Variants in PYCR1 observed in about 807,000 individuals in gnomAD.
PYCR1 encodes pyrroline-5-carboxylate reductase 1, mitochondrial.
Under a neutral mutation model 22.9 loss-of-function variants are expected in PYCR1, and 19 were observed. The observed-to-expected ratio is 0.83, with a 90% confidence interval of 0.58 to 1.22. The LOEUF is 1.22. PYCR1 is among the 50% of genes most tolerant of loss of function. PYCR1 has a pLI of 0.00. For synonymous variants in PYCR1, 175 were observed against 180.5 expected, an observed-to-expected ratio of 0.97 and a Z score of 0.24; for missense variants, 429 against 431.3, an observed-to-expected ratio of 0.99 and a Z score of 0.05.
At chr17:81,936,062 T>C (rs2041179311) in intron 2 of PYCR1, 61 bp downstream of exon 2, 2 of 1,580,504 alleles carry the variant, frequency 1.3e-6, no homozygotes, top group African/African-American at 1.4e-5. Context: ...CACACACTCC[T>C]GCCTCTCACA....
In PYCR1 at chr17:81,932,919, T is replaced by G; in HGVS notation, c.*295A>C. 6.2e-7 allele frequency: 1 copy of G among 1,611,834 alleles called. No homozygotes were observed. The highest frequency in any genetic ancestry group is 8.5e-7 in the Non-Finnish European group (1 of 1,179,498). The stretch of plus-strand genomic sequence containing the variant: ...GTGCCAGCTGATACTGGAGTAGGAG[T>G]GGGTGAAGACCCTCCGGGCTCCCGA... On this transcript the variant is annotated 3_prime_UTR_variant, in exon 7 of 7. Coordinates refer to ENST00000329875, the MANE Select transcript of PYCR1 (RefSeq NM_006907.4).
In PYCR1 at chr17:81,937,272, T is replaced by G. The variant is rs975940577; in HGVS notation, c.-458A>C. 11 of 1,208,332 alleles carry G rather than the reference T, an allele frequency of 9.1e-6. No homozygotes were observed. The highest frequency in any genetic ancestry group is 6.3e-5 in the African/African-American group (4 of 63,424). 74.9% of individuals were successfully genotyped at this position (1,208,332 alleles called of 1,614,324 possible). ...GCGGGTCGTACCCACCCCTCAGCGC[T>G]GCGGCCGCCACGCGGCACCCGCACC... On this transcript the variant is annotated 5_prime_UTR_variant, in exon 1 of 7. Coordinates refer to ENST00000329875, the MANE Select transcript of PYCR1 (RefSeq NM_006907.4).
In PYCR1 at chr17:81,934,381, C is replaced by A; in HGVS notation, c.742G>T (p.Gly248Trp). The A allele has an allele frequency of 8.1e-6, 13 of 1,612,742 alleles. No homozygotes were observed. Among genetic ancestry groups the A allele is most frequent in the Non-Finnish European group, 1.1e-5 (13 of 1,179,900 alleles). Residue 248 changes from glycine to tryptophan, a missense_variant, in exon 6 of 7, where the codon GGG becomes TGG. Gly to Trp is a radical substitution (Grantham distance 184). Coordinates refer to ENST00000329875, the MANE Select transcript of PYCR1 (RefSeq NM_006907.4). The stretch of plus-strand genomic sequence containing the variant: ...TTGATGAGCAGGGAGCGGAAGCCCC[C>A]ACTCTCCAGCACATGCAAGGCATGG... The part of the protein sequence containing the change: ...TIHALHVLES[G>W]GFRSLLINAV...
Position 81,937,008 on chromosome 17 carries a change from C to T in PYCR1, c.-194G>A. 6.8e-7 allele frequency: 1 copy of T among 1,463,848 alleles called. No individual in the cohort carries two copies. The highest frequency in any genetic ancestry group is 9.0e-7 in the Non-Finnish European group (1 of 1,108,308). The allele number at this position is 1,463,848 out of a possible 1,614,324, so 90.7% of individuals were successfully genotyped here. The stretch of plus-strand genomic sequence containing the variant: ...GTCCGGCCCGTTAACTGCTTCGGGG[C>T]CCCCAGTCAGAGCGGCGGTGCCTGG... On this transcript the variant is annotated 5_prime_UTR_variant, in exon 1 of 7. Coordinates refer to ENST00000329875, the MANE Select transcript of PYCR1 (RefSeq NM_006907.4).
At position 81,934,926 on chromosome 17, in the gene PYCR1, G is replaced by T; in HGVS notation, c.540C>A (p.Tyr180Ter). ...CGCCAGCTTCCCCCGCAGTCCTTAC[G>T]TAGGCGGGGCCGCTGCCACTGAGCC... ...VTGLSGSGPAYAFTALDALAD... is the reference protein window; with the variant it reads ...VTGLSGSGPA Residue 180 changes from tyrosine (Y) to a stop codon, truncating the protein, a stop_gained and splice_region_variant, in exon 4 of 7, where the codon TAC becomes TAA. Transcript: ENST00000329875. LOFTEE classifies it high-confidence loss of function. 1 of 1,609,634 alleles carries T rather than the reference G, an allele frequency of 6.2e-7. No individual in the cohort carries two copies. The highest frequency in any genetic ancestry group is 8.5e-7 in the Non-Finnish European group (1 of 1,179,920).
chr17:81,936,289 A>T (rs1429715616), intron 1 of PYCR1, 96 bp from the exon 2 acceptor site: 4 of 1,222,290 alleles, frequency 3.3e-6, no homozygotes, highest in African/African-American at 1.5e-5. Flanking sequence ...GCAGTGGCGC[A>T]ATCTCGGCTC....
chr17:81,936,147 G>C lies in PYCR1; in HGVS notation c.114C>G (p.Asp38Glu). Reference sequence around the variant, plus strand: ...CCCTGAGAGCAGAAACTGTGGCCAGGTCCATGTCTGGGGAGCTAGCCATTA... The same window carrying C: ...CCCTGAGAGCAGAAACTGTGGCCAGCTCCATGTCTGGGGAGCTAGCCATTA... ...HKIMASSPDM[D>E]LATVSALRKM... is the part of the protein sequence containing the mutation. Residue 38 changes from aspartate (D) to glutamate (E), a missense_variant, in exon 2 of 7, where the codon GAC becomes GAG. Physicochemically the swap from Asp to Glu is conservative, Grantham distance 45. Coordinates refer to ENST00000329875, the MANE Select transcript of PYCR1 (RefSeq NM_006907.4). 6.2e-7 allele frequency: 1 copy of C among 1,613,902 alleles called. No homozygotes were observed. The highest frequency in any genetic ancestry group is 8.5e-7 in the Non-Finnish European group (1 of 1,179,912).
chr17:81,935,287 C>G (rs370250578), intron 3 of PYCR1, 50 bp downstream of exon 3: 31 of 1,604,968 alleles, frequency 1.9e-5, no homozygotes, highest in Non-Finnish European at 2.6e-5. Flanking sequence ...TACTGAGGGC[C>G]CGGGCTCTAG....
chr17:81,937,028 G>A lies in PYCR1; in HGVS notation c.-214C>T, dbSNP rs547728412. The A allele has an allele frequency of 4.8e-6, 7 of 1,455,026 alleles. No individual in the cohort carries two copies. The highest frequency in any genetic ancestry group is 1.4e-5 in the African/African-American group (1 of 70,870). The allele number at this position is 1,455,026 out of a possible 1,614,324, so 90.1% of individuals were successfully genotyped here. A position where few individuals can be genotyped will look rare whatever the true frequency, so the allele number is the denominator to read the frequency against. ...CGGGGCCCCCAGTCAGAGCGGCGGT[G>A]CCTGGCCTGCTGCCTAGGGTCCCGC... On this transcript the variant is annotated 5_prime_UTR_variant, in exon 1 of 7. Transcript: ENST00000329875.
intron 1 of PYCR1, 54 bp from the exon 2 acceptor site, chr17:81,936,247 A>G: frequency 6.6e-7 from 1 of 1,515,376 alleles, no homozygotes; most frequent in East Asian, 2.3e-5. Context: ...TTTTTTTGAG[A>G]CGGAGTCTCG....
At chr17:81,934,527 A>G (rs749038192) in intron 5 of PYCR1, 38 bp from the exon 6 acceptor site, 12 of 1,558,460 alleles carry the variant, frequency 7.7e-6, no homozygotes, top group Non-Finnish European at 1.0e-5. Context: ...GTGGGCACGC[A>G]CCTGCCTCTG....
Position 81,933,157 on chromosome 17 carries a change from C to T in PYCR1, c.*57G>A, listed in dbSNP as rs1221017772. ...TGGGCCACTTTGGGGACCCCCTAGTCCCCCTAGTGACAAGAGAAGAGAAGG... is the reference window on the plus strand; with the variant it reads ...TGGGCCACTTTGGGGACCCCCTAGTTCCCCTAGTGACAAGAGAAGAGAAGG... On this transcript the variant is annotated 3_prime_UTR_variant, in exon 7 of 7. Coordinates refer to ENST00000329875, the MANE Select transcript of PYCR1 (RefSeq NM_006907.4). 3.2e-5 allele frequency: 52 copies of T among 1,610,574 alleles called. No individual in the cohort carries two copies. The highest frequency in any genetic ancestry group is 4.3e-5 in the Non-Finnish European group (51 of 1,179,682).
chr17:81,934,734 G>A lies in PYCR1; in HGVS notation c.552C>T (p.Ala184=). 4 of 1,556,798 alleles carry A rather than the reference G, an allele frequency of 2.6e-6. No homozygotes were observed. Among genetic ancestry groups the A allele is most frequent in the Non-Finnish European group, 3.5e-6 (4 of 1,150,690 alleles). Reference sequence around the variant, plus strand: ...CACCCCCATCAGCCAGGGCATCCAGGGCTGTGAATGCCTGTGGGGAGAAGG... The same window carrying A: ...CACCCCCATCAGCCAGGGCATCCAGAGCTGTGAATGCCTGTGGGGAGAAGG... ...SGSGPAYAFT[A]LDALADGGVK... is the part of the protein sequence containing the mutation. Residue 184 remains alanine (A), a synonymous_variant, in exon 5 of 7, where the codon GCC becomes GCT. Coordinates refer to ENST00000329875, the MANE Select transcript of PYCR1 (RefSeq NM_006907.4).
At chr17:81,934,528 C>T (rs1341119235) in intron 5 of PYCR1, 39 bp from the exon 6 acceptor site, 6 of 1,565,926 alleles carry the variant, frequency 3.8e-6, no homozygotes, top group Admixed American at 1.9e-5. Flanking sequence ...TGGGCACGCA[C>T]CTGCCTCTGC....
Position 81,934,339 on chromosome 17 carries a change from A to G in PYCR1, c.784T>C (p.Cys262Arg), listed in dbSNP as rs1181688419. The part of the protein sequence containing the change: ...SLLINAVEAS[C>R]IRTRELQSMA... ...GCGGGGGCCCACCGTGTGCGGATGC[A>G]GGAGGCCTCCACAGCGTTGATGAGC... The change falls in exon 6 of 7, where the codon TGC (cysteine) becomes CGC (arginine). Residue 262 changes from cysteine (C) to arginine (R), a missense_variant. Transcript: ENST00000329875. 1 of 1,612,814 alleles carries G rather than the reference A, an allele frequency of 6.2e-7. No individual in the cohort carries two copies. The highest frequency in any genetic ancestry group is 1.7e-5 in the Admixed American group (1 of 59,968).
chr17:81,932,713 G>A lies in PYCR1; in HGVS notation c.*501C>T, dbSNP rs1263210301. 4.3e-5 allele frequency: 43 copies of A among 990,122 alleles called. 1 individual carries two copies. In the East Asian group the frequency reaches 5.3e-4, roughly 12 times the overall value. 61.3% of individuals were successfully genotyped at this position (990,122 alleles called of 1,614,324 possible). A position where few individuals can be genotyped will look rare whatever the true frequency, so the allele number is the denominator to read the frequency against. On this transcript the variant is annotated 3_prime_UTR_variant, in exon 7 of 7. Transcript: ENST00000329875. ...TGGGATCTGCGTGCTTGGCAGCCAA[G>A]AGGGGCTGTGGCCCTTCACGCTGGA...
Position 81,937,068 on chromosome 17 carries a change from T to A in PYCR1, c.-254A>T. ...TAGGGTCCCGCACCCACTGGAGGGGTGGAGGTTCCGCAGAAGAAATGACTG... is the reference window on the plus strand; with the variant it reads ...TAGGGTCCCGCACCCACTGGAGGGGAGGAGGTTCCGCAGAAGAAATGACTG... On this transcript the variant is annotated 5_prime_UTR_variant, in exon 1 of 7. Coordinates refer to ENST00000329875, the MANE Select transcript of PYCR1 (RefSeq NM_006907.4). 7.0e-7 allele frequency: 1 copy of A among 1,427,618 alleles called. No individual in the cohort carries two copies. The highest frequency in any genetic ancestry group is 1.4e-5 in the African/African-American group (1 of 69,098). The allele number at this position is 1,427,618 out of a possible 1,614,324, so 88.4% of individuals were successfully genotyped here. A position where few individuals can be genotyped will look rare whatever the true frequency, so the allele number is the denominator to read the frequency against.
chr17:81,935,243 G>A, intron 3 of PYCR1, 94 bp downstream of exon 3: 1 of 1,576,574 alleles, frequency 6.3e-7, no homozygotes, highest in Non-Finnish European at 8.6e-7. Flanking sequence ...AGTGGGCCGG[G>A]ACGCTGCAAC....
intron 2 of PYCR1, 63 bp from the exon 3 acceptor site, chr17:81,935,579 G>A (rs1394971430): frequency 2.8e-6 from 4 of 1,415,802 alleles, no homozygotes; most frequent in Non-Finnish European, 2.9e-6. Context: ...ACCAAGCCAA[G>A]AGCCCCACAG....
Sources: gnomAD v4.1 joint callset for allele counts on GRCh38, gnomAD v4.1.1 for gene constraint, MANE v1.5 for transcripts, NCBI Gene and HGNC (gene_info 2026-07-23, HGNC 2026-07-21) for gene names.